TFF2: variants seen among roughly 807,000 people sequenced by gnomAD.
TFF2 encodes spasmolysin.
In TFF2, 19 loss-of-function variants were observed where a neutral mutation model predicts 16.0. That is an observed-to-expected ratio of 1.19 (90% CI 0.83 to 1.74). The LOEUF (loss-of-function observed/expected upper bound fraction) is 1.74, where lower values mean the gene tolerates loss of function less well. Among genes scored for constraint, TFF2 ranks in the 40% most tolerant of loss-of-function variants. TFF2 has a pLI of 0.00. For missense variants in TFF2, 168 were observed against 166.8 expected (o/e 1.01, Z -0.04); for synonymous variants, 61 against 65.4 (o/e 0.93, Z 0.32).
chr21:42,347,461 A>G (rs1384506093), intron 3 of TFF2, 25 bp downstream of exon 3: 2 of 1,613,842 alleles, frequency 1.2e-6, no homozygotes, highest in Non-Finnish European at 1.7e-6. Context: ...CGGGAACCAG[A>G]CAGAGAGTCC....
intron 2 of TFF2, among the ~76,000 whole-genome samples, chr21:42,349,611 A>T (rs528682697): frequency 1.3e-5 from 2 of 150,488 alleles, no homozygotes; most frequent in South Asian, 4.2e-4. Context: ...TAGACTAACT[A>T]GCCTACACTA....
rs898343778 is a variant in TFF2, at chr21:42,346,664, C to A, written c.377-118G>T. On this transcript the variant is annotated intron_variant, in intron 3 of 3. Coordinates refer to ENST00000291526, the MANE Select transcript of TFF2 (RefSeq NM_005423.5). Reference sequence around the variant, plus strand: ...CAGGAGCTTCCTACTGAAGAAGGAGCTCCTTTCCCGGGGAGGGGGTGTAAA... The same window carrying A: ...CAGGAGCTTCCTACTGAAGAAGGAGATCCTTTCCCGGGGAGGGGGTGTAAA... The A allele has an allele frequency of 3.4e-6, 4 of 1,187,994 alleles. No homozygotes were observed. The African/African-American group carries it at 6.3e-5, about 19-fold the overall frequency. The allele number at this position is 1,187,994 out of a possible 1,614,324, so 73.6% of individuals were successfully genotyped here.
chr21:42,350,091 C>T (rs2052104602), intron 1 of TFF2, 61 bp from the exon 2 acceptor site: 1 of 1,538,590 alleles, frequency 6.5e-7, no homozygotes, highest in Non-Finnish European at 8.8e-7. Flanking sequence ...CTCCTTCTCT[C>T]AGAGGTTCTA....
At chr21:42,350,742 AAATCCC>A in intron 1 of TFF2, 131 bp downstream of exon 1, 1 of 934,200 alleles carries the variant, frequency 1.1e-6, no homozygotes, top group Non-Finnish European at 1.6e-6. Flanking sequence ...GAGCAGTGGC[AAATCCC>A]ATGTGAACAA....
rs116975162 is a variant in TFF2 at position 42,347,667 on chromosome 21, C to A, written c.230-35G>T. 12,039 of 1,609,426 alleles carry A rather than the reference C, an allele frequency of 7.5e-3. 57 individuals carry two copies. The highest frequency in any genetic ancestry group is 9.0e-3 in the Non-Finnish European group (10,592 of 1,178,058). ...GACAGGCACAGCACCGAGACCCAGTCAGGCCTGCTGTGCCCTGGAAAGCTC... is the reference window on the plus strand; with the variant it reads ...GACAGGCACAGCACCGAGACCCAGTAAGGCCTGCTGTGCCCTGGAAAGCTC... On this transcript the variant is annotated intron_variant, in intron 2 of 3. Transcript: ENST00000291526.
intron 2 of TFF2, among the ~76,000 whole-genome samples, chr21:42,348,386 A>G (rs2052086160): frequency 6.6e-6 from 1 of 152,128 alleles, no homozygotes; most frequent in South Asian, 2.1e-4. Context: ...TCATTTCCCC[A>G]TGGAAGCTTC....
chr21:42,350,241 A>G, intron 1 of TFF2: 1 of 1,226,648 alleles, frequency 8.2e-7, no homozygotes, highest in Non-Finnish European at 1.0e-6. Context: ...GAAAAAAAAA[A>G]AAAAGCCAGG....
Position 42,346,503 on chromosome 21 carries a change from G to A in TFF2, c.*30C>T, listed in dbSNP as rs1484495062. 1.4e-5 allele frequency: 22 copies of A among 1,612,852 alleles called. No homozygotes were observed. The highest frequency in any genetic ancestry group is 1.9e-5 in the Non-Finnish European group (22 of 1,179,544). On this transcript the variant is annotated 3_prime_UTR_variant, in exon 4 of 4. Coordinates refer to ENST00000291526, the MANE Select transcript of TFF2 (RefSeq NM_005423.5). ...TCTTTGGTTTCGGAACACCCGGTGA[G>A]CCAGATGCATCCTCTGGAACCAGCC...
At chr21:42,348,094 CA>C (rs2052083300) in intron 2 of TFF2, among the ~76,000 whole-genome samples, 1 of 152,234 alleles carries the variant, frequency 6.6e-6, no homozygotes, top group African/African-American at 2.4e-5. Flanking sequence ...CGCTCGTGAA[CA>C]ATCCACCATC....
At position 42,350,052 on chromosome 21, in the gene TFF2, G is replaced by A. The variant is rs1362204485; in HGVS notation, c.80-22C>T. ...GGGGCTGTGGAAAGACCCTCAGTCGGCCCCACCCTGGTACCCCAGACCACA... is the reference window on the plus strand; with the variant it reads ...GGGGCTGTGGAAAGACCCTCAGTCGACCCCACCCTGGTACCCCAGACCACA... On this transcript the variant is annotated intron_variant, in intron 1 of 3. Coordinates refer to ENST00000291526, the MANE Select transcript of TFF2 (RefSeq NM_005423.5). The A allele has an allele frequency of 3.8e-6, 6 of 1,583,956 alleles. No homozygotes were observed. In the African/African-American group the frequency reaches 8.1e-5, roughly 21 times the overall value.
rs146064552 is a variant in TFF2 at position 42,349,991 on chromosome 21, G to A, written c.119C>T (p.Thr40Met). The A allele has an allele frequency of 8.7e-4, 1,395 of 1,600,278 alleles. 7 individuals are homozygous for A. In the African/African-American group the frequency reaches 0.011, roughly 12 times the overall value. The change falls in exon 2 of 4, where the codon ACG (threonine) becomes ATG (methionine). Residue 40 changes from threonine to methionine, a missense_variant. By Grantham distance (81) the Thr-to-Met change is moderately conservative. Coordinates refer to ENST00000291526, the MANE Select transcript of TFF2 (RefSeq NM_005423.5). ...QCSRLSPHNR[T>M]NCGFPGITSD... ...GGTGATTCCAGGGAAGCCGCAGTTC[G>A]TCCTGTTATGGGGGCTCAGCCTGGA...
At chr21:42,347,683 T>C (rs1054266978) in intron 2 of TFF2, 51 bp from the exon 3 acceptor site, 7 of 1,596,520 alleles carry the variant, frequency 4.4e-6, no homozygotes, top group African/African-American at 4.0e-5. Context: ...TGCTGTGCCC[T>C]GGAAAGCTCC....
chr21:42,348,180 C>T (rs1325950329), intron 2 of TFF2, among the ~76,000 whole-genome samples: 2 of 152,152 alleles, frequency 1.3e-5, no homozygotes, highest in African/African-American at 2.4e-5. Flanking sequence ...CTCCAGAGGA[C>T]GTGCCTGGTT....
At chr21:42,350,694 T>C (rs1414740246) in intron 1 of TFF2, among the ~76,000 whole-genome samples, 185 bp downstream of exon 1, 2 of 152,158 alleles carry the variant, frequency 1.3e-5, no homozygotes, top group Non-Finnish European at 1.5e-5. Flanking sequence ...CACTCAGCCT[T>C]TCCCTAGGAG....
intron 2 of TFF2, 102 bp from the exon 3 acceptor site, chr21:42,347,734 C>T: frequency 6.9e-7 from 1 of 1,442,982 alleles, no homozygotes; most frequent in Non-Finnish European, 9.3e-7. Context: ...TTGCAGCCTC[C>T]GTGGATCATG....
intron 1 of TFF2, 106 bp from the exon 2 acceptor site, chr21:42,350,136 A>C: frequency 2.1e-6 from 3 of 1,430,474 alleles, no homozygotes; most frequent in Non-Finnish European, 2.8e-6. Context: ...CCACATAGAG[A>C]AACACAAAGT....
At chr21:42,348,771 T>G (rs1168101641) in intron 2 of TFF2, among the ~76,000 whole-genome samples, 1 of 151,366 alleles carries the variant, frequency 6.6e-6, no homozygotes, top group Non-Finnish European at 1.5e-5. Context: ...CAACCTGGGC[T>G]ACCTCTAGAC....
chr21:42,349,308 C>A (rs997627995), intron 2 of TFF2, among the ~76,000 whole-genome samples: 6 of 151,848 alleles, frequency 4.0e-5, no homozygotes, highest in Admixed American at 6.6e-5. Context: ...ACTAATCAAC[C>A]TGTGCTAGCT....
rs371568406 is a variant in TFF2 at position 42,350,837 on chromosome 21, G to T, written c.79+42C>A. The T allele has an allele frequency of 4.2e-5, 65 of 1,544,338 alleles. No homozygotes were observed. In the African/African-American group the frequency reaches 7.6e-4, roughly 18 times the overall value. On this transcript the variant is annotated intron_variant, in intron 1 of 3. Transcript: ENST00000291526. Reference sequence around the variant, plus strand: ...TTGTGCTTTTTTTTTTTCTTTAAGAGAAATAAAGAAAGCACATAAAAAGAC... The same window carrying T: ...TTGTGCTTTTTTTTTTTCTTTAAGATAAATAAAGAAAGCACATAAAAAGAC...
Sources: allele counts gnomAD v4.1 joint callset (sites outside exome capture counted in the v4.1 genomes callset), GRCh38; gene constraint gnomAD v4.1.1; transcripts MANE v1.5; gene names NCBI Gene and HGNC (gene_info 2026-07-23, HGNC 2026-07-21).